The following UTRN variants were observed in gnomAD, a reference collection of about 807,000 sequenced individuals.
The protein encoded by UTRN is dystrophin-related protein 1.
A neutral mutation model predicts 463.9 loss-of-function variants in UTRN; 283 were observed. The observed-to-expected ratio is 0.61, with a 90% CI of 0.55 to 0.67. The LOEUF (loss-of-function observed/expected upper bound fraction) is 0.67. Among genes scored for constraint, UTRN ranks in the 30% least tolerant of loss-of-function variants. The pLI is 0.00. For synonymous variants in UTRN, 1,442 were observed against 1,431.5 expected, an observed-to-expected ratio of 1.01 and a Z score of -0.17; for missense variants, 3,922 against 4,084.3, an observed-to-expected ratio of 0.96 and a Z score of 1.08.
chr6:144,696,965 C>CATA (rs1047574442), intron 52 of UTRN, among the ~76,000 whole-genome samples: 2 of 152,106 alleles, frequency 1.3e-5, no homozygotes, highest in African/African-American at 4.8e-5. Flanking sequence ...TAGTTACTTC[C>CATA]ATAATTCCTT....
chr6:144,592,069 T>G (rs963405210), intron 51 of UTRN, among the ~76,000 whole-genome samples: 2 of 152,208 alleles, frequency 1.3e-5, no homozygotes, highest in African/African-American at 4.8e-5. Context: ...TAGGATTTTA[T>G]AGCCTTCCTT....
At chr6:144,819,911 C>CCT (rs1554406067) in intron 65 of UTRN, among the ~76,000 whole-genome samples, 133 of 118,618 alleles carry the variant, frequency 1.1e-3, no homozygotes, top group Admixed American at 4.0e-3. Context: ...TCCTCCTCCT[C>CCT]CTCTCTCTCT....
chr6:144,851,152 A>C lies in UTRN; in HGVS notation c.*155A>C. 1 of 907,782 alleles carries C rather than the reference A, an allele frequency of 1.1e-6. No individual in the cohort carries two copies. The highest frequency in any genetic ancestry group is 1.8e-6 in the Non-Finnish European group (1 of 559,334). 56.2% of individuals were successfully genotyped at this position (907,782 alleles called of 1,614,324 possible). On this transcript the variant is annotated 3_prime_UTR_variant, in exon 75 of 75. Coordinates refer to ENST00000367545, the MANE Select transcript of UTRN (RefSeq NM_007124.3). Reference sequence around the variant, plus strand: ...GTTCTACTGAAAGAGTAAAACACTGACTATCCAAAGAGAAATGGATATTTT... The same window carrying C: ...GTTCTACTGAAAGAGTAAAACACTGCCTATCCAAAGAGAAATGGATATTTT...
At chr6:144,300,782 A>G (rs1463201342) in intron 2 of UTRN, among the ~76,000 whole-genome samples, 1 of 152,190 alleles carries the variant, frequency 6.6e-6, no homozygotes, top group Non-Finnish European at 1.5e-5. Flanking sequence ...TATGTGGAGT[A>G]AGTTTTCATG....
At chr6:144,486,286 A>C (rs148977120) in intron 28 of UTRN, among the ~76,000 whole-genome samples, 4 of 152,358 alleles carry the variant, frequency 2.6e-5, no homozygotes, top group Non-Finnish European at 4.4e-5. Flanking sequence ...TCACTTCTCA[A>C]ATATAGCAGA....
intron 53 of UTRN, among the ~76,000 whole-genome samples, chr6:144,709,396 C>A (rs1003340416): frequency 2.6e-5 from 4 of 151,988 alleles, no homozygotes; most frequent in Non-Finnish European, 4.4e-5. Context: ...CTTTTTAGGT[C>A]TTTTCCTTTT....
chr6:144,461,315 G>A lies in UTRN; in HGVS notation c.2826G>A (p.Lys942=). The A allele has an allele frequency of 6.3e-7, 1 of 1,582,788 alleles. No homozygotes were observed. The highest frequency in any genetic ancestry group is 8.6e-7 in the Non-Finnish European group (1 of 1,163,106). Residue 942 remains lysine, a synonymous_variant, in exon 22 of 75, where the codon AAG becomes AAA. Transcript: ENST00000367545. ...VSLNVLNDLA[K]VEKALQEKKT... is the part of the protein sequence containing the mutation. ...TGAATGTCCTTAATGATCTTGCCAAGGTGGAGAAGGCCCTGCAAGAAAAAA... is the reference window on the plus strand; with the variant it reads ...TGAATGTCCTTAATGATCTTGCCAAAGTGGAGAAGGCCCTGCAAGAAAAAA...
rs770107067 is a variant in UTRN at position 144,437,736 on chromosome 6, A to C, written c.1231A>C (p.Arg411=). The C allele has an allele frequency of 6.2e-7, 1 of 1,612,672 alleles. No homozygotes were observed. The highest frequency in any genetic ancestry group is 1.7e-5 in the Admixed American group (1 of 59,716). Residue 411 remains arginine, a synonymous_variant, in exon 11 of 75, where the codon AGA becomes CGA. Coordinates refer to ENST00000367545, the MANE Select transcript of UTRN (RefSeq NM_007124.3). ...GGCTCTTAGGGTGGAGAGTATGGAC[A>C]GACAGTCCCGGTGAGTGGAAAGCCA... The part of the protein sequence containing the change: ...WEALRVESMD[R]QSRLHDVLME...
At chr6:144,479,678 A>G in intron 25 of UTRN, 134 bp from the exon 26 acceptor site, 2 of 1,039,782 alleles carry the variant, frequency 1.9e-6, no homozygotes, top group Admixed American at 5.4e-5. Context: ...GAGATGTATG[A>G]GATTTTATCT....
rs912675711 is a variant in UTRN, at chr6:144,835,687, C to T, written c.9666-93C>T. On this transcript the variant is annotated intron_variant, in intron 69 of 74. Coordinates refer to ENST00000367545, the MANE Select transcript of UTRN (RefSeq NM_007124.3). ...CTCTAAGACAAACTTGGCCCAGCCACTATCCTGTCCATCATTATTTCTACT... is the reference window on the plus strand; with the variant it reads ...CTCTAAGACAAACTTGGCCCAGCCATTATCCTGTCCATCATTATTTCTACT... 2.6e-6 allele frequency: 4 copies of T among 1,541,308 alleles called. No homozygotes were observed. The African/African-American group carries it at 5.5e-5, about 21-fold the overall frequency.
rs1341848623 is a variant in UTRN, at chr6:144,301,576, C to T, written c.79+9669C>T. On this transcript the variant is annotated intron_variant, in intron 2 of 74. Transcript: ENST00000367545. ...TTTTTTTTTTTGAGACAGGGTCTTG[C>T]TCCATTGCCCAGGCTGGAGTGCAGT... Among the ~76,000 whole-genome samples the T allele has an allele frequency of 6.0e-5, 8 of 132,548 alleles. No individual in the cohort carries two copies. In the Admixed American group the frequency reaches 7.1e-4, roughly 12 times the overall value. The allele number at this position is 132,548 out of a possible 152,430, so 87.0% of individuals were successfully genotyped here.
At chr6:144,728,571 G>A (rs1257060556) in intron 53 of UTRN, among the ~76,000 whole-genome samples, 2 of 92,692 alleles carry the variant, frequency 2.2e-5, no homozygotes, top group Non-Finnish European at 2.2e-5. Flanking sequence ...TGTTATCCCC[G>A]CCCCCACCCA....
rs1470862522 is a variant in UTRN, at chr6:144,323,974, T to C, written c.79+32067T>C. On this transcript the variant is annotated intron_variant, in intron 2 of 74. Transcript: ENST00000367545. ...TGCAAGGTGGCCTTGAAATTATTTC[T>C]GTATTTCACCATATTACTATCAACA... Among the ~76,000 whole-genome samples the C allele has an allele frequency of 2.6e-5, 4 of 152,350 alleles. No individual in the cohort carries two copies. In the East Asian group the frequency reaches 7.7e-4, roughly 29 times the overall value.
chr6:144,434,168 C>T (rs1372133352), intron 9 of UTRN, among the ~76,000 whole-genome samples: 1 of 152,226 alleles, frequency 6.6e-6, no homozygotes, highest in Non-Finnish European at 1.5e-5. Flanking sequence ...CAGCGAAACC[C>T]CGTCTCCACC....
At chr6:144,538,502 A>G (rs1447107565) in intron 44 of UTRN, among the ~76,000 whole-genome samples, 5 of 111,974 alleles carry the variant, frequency 4.5e-5, no homozygotes, top group Non-Finnish European at 8.6e-5. Flanking sequence ...CCCCATCTCT[A>G]TAAAAATACA....
At chr6:144,639,289 T>C (rs1257697005) in intron 51 of UTRN, among the ~76,000 whole-genome samples, 1 of 152,206 alleles carries the variant, frequency 6.6e-6, no homozygotes, top group African/African-American at 2.4e-5. Flanking sequence ...ATTTTATTGC[T>C]ACATTTGGCC....
intron 58 of UTRN, among the ~76,000 whole-genome samples, chr6:144,759,089 C>T (rs1792341289): frequency 6.6e-6 from 1 of 151,990 alleles, no homozygotes; most frequent in Non-Finnish European, 1.5e-5. Context: ...GGGTAAAAAA[C>T]AGGTTTGCAT....
Position 144,575,818 on chromosome 6 carries a change from T to C in UTRN, c.7290-1281T>C, listed in dbSNP as rs115517678. ...TCACAAAATTCATCAGGATTTTTAG[T>C]ATATTCACCATGTTGGGCAACCATC... is the stretch of plus-strand genomic sequence containing the variant. On this transcript the variant is annotated intron_variant, in intron 50 of 74. Transcript: ENST00000367545. Among the ~76,000 whole-genome samples, 524 of 152,232 alleles carry C rather than the reference T, an allele frequency of 3.4e-3. 2 individuals are homozygous for C. The highest frequency in any genetic ancestry group is 0.012 in the African/African-American group (499 of 41,556).
intron 41 of UTRN, among the ~76,000 whole-genome samples, chr6:144,526,746 G>GTT (rs200877832): frequency 2.3e-5 from 3 of 130,918 alleles, no homozygotes; most frequent in South Asian, 2.5e-4. Flanking sequence ...CAATACCTTG[G>GTT]TTTTTTTTTT....
Sources: allele counts gnomAD v4.1 joint callset (sites outside exome capture counted in the v4.1 genomes callset), GRCh38; gene constraint gnomAD v4.1.1; transcripts MANE v1.5; gene names NCBI Gene and HGNC (gene_info 2026-07-23, HGNC 2026-07-21).